HEATR1: variants seen among roughly 807,000 people sequenced by gnomAD.
HEATR1 encodes HEAT repeat-containing protein 1.
A neutral mutation model predicts 248.2 loss-of-function variants in HEATR1; 77 were observed. The observed-to-expected ratio is 0.31, with a 90% CI of 0.26 to 0.37. The LOEUF is 0.37. Among genes scored for constraint, HEATR1 ranks in the 10% least tolerant of loss-of-function variants. The pLI is 1.00. For synonymous variants in HEATR1, 897 were observed against 923.1 expected, an observed-to-expected ratio of 0.97 and a Z score of 0.51; for missense variants, 2,420 against 2,504.9, an observed-to-expected ratio of 0.97 and a Z score of 0.72.
At position 236,597,993 on chromosome 1, in the gene HEATR1, A is replaced by G; in HGVS notation, c.502-14T>C. ...CACTCCAGATTGCTGTTATTGATGG[A>G]AAGAACAAACTACTAGCAACATTCA... On this transcript the variant is annotated splice_polypyrimidine_tract_variant and intron_variant, in intron 4 of 44. Transcript: ENST00000366582. The G allele has an allele frequency of 1.9e-6, 3 of 1,566,612 alleles. No individual in the cohort carries two copies. Among genetic ancestry groups the G allele is most frequent in the Non-Finnish European group, 2.6e-6 (3 of 1,137,794 alleles).
chr1:236,550,076 A>C lies in HEATR1; in HGVS notation c.*826T>G, dbSNP rs1255206793. 3.3e-5 allele frequency: 5 copies of C among 152,184 alleles called. No homozygotes were observed. The highest frequency in any genetic ancestry group is 1.2e-4 in the African/African-American group (5 of 41,448). The allele number at this position is 152,184 out of a possible 1,614,324, so 9.4% of individuals were successfully genotyped here. On this transcript the variant is annotated 3_prime_UTR_variant, in exon 45 of 45. Coordinates refer to ENST00000366582, the MANE Select transcript of HEATR1 (RefSeq NM_018072.6). ...ATTTGAACCCTCACTTTCCAACTTC[A>C]CCATGACCCAGTACTAGAGATTAGG...
At chr1:236,571,729 T>G (rs774174338) in intron 26 of HEATR1, 43 bp from the exon 27 acceptor site, 6 of 1,416,738 alleles carry the variant, frequency 4.2e-6, no homozygotes, top group South Asian at 3.5e-5. Flanking sequence ...ATGTAAAAGT[T>G]GTACAATTCA....
In HEATR1 at chr1:236,553,672, A is replaced by C; in HGVS notation, c.6146T>G (p.Ile2049Ser). Residue 2049 changes from isoleucine to serine, a missense_variant, in exon 43 of 45, where the codon ATC becomes AGC. Ile to Ser is a moderately radical substitution (Grantham distance 142, BLOSUM62 -2). Coordinates refer to ENST00000366582, the MANE Select transcript of HEATR1 (RefSeq NM_018072.6). The stretch of plus-strand genomic sequence containing the variant: ...CGCCATGGCCACCGAAAACTGTGCG[A>C]TGCATGGTATCAGGTGCTTTGTCAC... ...ERVTKHLIPC[I>S]AQFSVAMADD... The C allele has an allele frequency of 6.2e-7, 1 of 1,614,002 alleles. No individual in the cohort carries two copies. The highest frequency in any genetic ancestry group is 8.5e-7 in the Non-Finnish European group (1 of 1,179,948).
intron 11 of HEATR1, 78 bp from the exon 12 acceptor site, chr1:236,591,032 A>T: frequency 1.5e-6 from 1 of 665,770 alleles, no homozygotes; most frequent in Non-Finnish European, 2.2e-6. Flanking sequence ...CCCAGAGAAA[A>T]CCACCCCAAA....
chr1:236,600,496 C>T (rs58044492), intron 3 of HEATR1, among the ~76,000 whole-genome samples: 2,659 of 151,746 alleles, frequency 0.018, 17 homozygotes, highest in Middle Eastern at 0.075. Context: ...CCTTTTACAT[C>T]GTGTACTTTT....
rs1664220169 is a variant in HEATR1, at chr1:236,597,968, C to A, written c.513G>T (p.Val171=). The change falls in exon 5 of 45, where the codon GTG becomes GTT. Residue 171 remains valine (V), a synonymous_variant. Coordinates refer to ENST00000366582, the MANE Select transcript of HEATR1 (RefSeq NM_018072.6). ...TAATCAAAGTTCCTTTAGCTAACGG[C>A]ACTCCAGATTGCTGTTATTGATGGA... is the stretch of plus-strand genomic sequence containing the variant. ...FWLLPVKQSG[V]PLAKGTLITH... 2 of 1,610,602 alleles carry A rather than the reference C, an allele frequency of 1.2e-6. No individual in the cohort carries two copies. Among genetic ancestry groups the A allele is most frequent in the Admixed American group, 1.7e-5 (1 of 59,820 alleles).
intron 20 of HEATR1, 30 bp downstream of exon 20, chr1:236,581,192 G>A (rs770867943): frequency 2.6e-5 from 41 of 1,558,642 alleles, no homozygotes; most frequent in Non-Finnish European, 3.6e-5. Flanking sequence ...AGTTGGTCAT[G>A]ACAAAACATA....
At chr1:236,602,924 A>G (rs1664363956) in intron 3 of HEATR1, 2 of 436,560 alleles carry the variant, frequency 4.6e-6, no homozygotes, top group African/African-American at 2.0e-5. Context: ...CTCTATCTCA[A>G]AAAAAAACTA....
intron 19 of HEATR1, 22 bp downstream of exon 19, chr1:236,582,714 C>T (rs763706414): frequency 6.2e-7 from 1 of 1,613,136 alleles, no homozygotes; most frequent in South Asian, 1.1e-5. Context: ...TAGAGTACGC[C>T]TGAAAAGGAG....
In HEATR1 at chr1:236,555,210, CT is replaced by C. The variant is rs918396435; in HGVS notation, c.5923+85del. The C allele has an allele frequency of 2.9e-6, 4 of 1,396,948 alleles. No homozygotes were observed. In the African/African-American group the frequency reaches 5.8e-5, roughly 20 times the overall value. 86.5% of individuals were successfully genotyped at this position (1,396,948 alleles called of 1,614,324 possible). A position where few individuals can be genotyped will look rare whatever the true frequency, so the allele number is the denominator to read the frequency against. On this transcript the variant is annotated intron_variant, in intron 41 of 44. Coordinates refer to ENST00000366582, the MANE Select transcript of HEATR1 (RefSeq NM_018072.6). Reference sequence around the variant, plus strand: ...GGACTTAAGAACCTCTAAAATCTTGCTTCCAAGCACTAGGTTGTGTCTTACT... The same window carrying C: ...GGACTTAAGAACCTCTAAAATCTTGCTCCAAGCACTAGGTTGTGTCTTACT...
intron 25 of HEATR1, 66 bp from the exon 26 acceptor site, chr1:236,572,620 G>A (rs964328711): frequency 2.5e-6 from 4 of 1,605,276 alleles, no homozygotes; most frequent in Non-Finnish European, 3.4e-6. Flanking sequence ...AAAAACCATT[G>A]TGCCTGATTA....
At chr1:236,557,545 T>C (rs1260902837) in intron 36 of HEATR1, among the ~76,000 whole-genome samples, 200 bp from the exon 37 acceptor site, 1 of 152,228 alleles carries the variant, frequency 6.6e-6, no homozygotes. Context: ...GACACAACAG[T>C]AATTTAAAAA....
Position 236,583,041 on chromosome 1 carries a change from T to C in HEATR1, c.2397A>G (p.Ala799=), listed in dbSNP as rs964076955. ...TAGGAAAAGATTTAGGAGCTTTCAGTGCATAAATAAATTTTTTCAAGGAAA... is the reference window on the plus strand; with the variant it reads ...TAGGAAAAGATTTAGGAGCTTTCAGCGCATAAATAAATTTTTTCAAGGAAA... ...LVFSLKKFIY[A]LKAPKSFPKG... Residue 799 remains alanine, a synonymous_variant, in exon 18 of 45, where the codon GCA becomes GCG. Coordinates refer to ENST00000366582, the MANE Select transcript of HEATR1 (RefSeq NM_018072.6). The C allele has an allele frequency of 6.2e-6, 10 of 1,613,988 alleles. No individual in the cohort carries two copies. Among genetic ancestry groups the C allele is most frequent in the East Asian group, 2.2e-5 (1 of 44,886 alleles).
At position 236,556,270 on chromosome 1, in the gene HEATR1, T is replaced by TA. The variant is rs756889289; in HGVS notation, c.5356-13dup. 1.6e-5 allele frequency: 26 copies of TA among 1,613,220 alleles called. No homozygotes were observed. Among genetic ancestry groups the TA allele is most frequent in the Non-Finnish European group, 2.2e-5 (26 of 1,179,660 alleles). Reference sequence around the variant, plus strand: ...TCCAGATGAATCACCTACAGGAATATAAAAAAAGTGATCAGGGCCACTGCA... The same window carrying TA: ...TCCAGATGAATCACCTACAGGAATATAAAAAAAAGTGATCAGGGCCACTGCA... On this transcript the variant is annotated splice_polypyrimidine_tract_variant and intron_variant, in intron 37 of 44. Coordinates refer to ENST00000366582, the MANE Select transcript of HEATR1 (RefSeq NM_018072.6).
At chr1:236,590,770 A>C in intron 12 of HEATR1, 77 bp downstream of exon 12, 2 of 598,372 alleles carry the variant, frequency 3.3e-6, no homozygotes, top group Non-Finnish European at 2.7e-6. Flanking sequence ...TTAGGTGGTA[A>C]CTTCAATTTC....
chr1:236,562,380 G>GT (rs1663152863), intron 32 of HEATR1, among the ~76,000 whole-genome samples: 1 of 152,144 alleles, frequency 6.6e-6, no homozygotes, highest in Non-Finnish European at 1.5e-5. Context: ...TTGAACTGTT[G>GT]TTTTTTACAA....
At chr1:236,575,904 G>A (rs1344395067) in intron 22 of HEATR1, among the ~76,000 whole-genome samples, 1 of 152,140 alleles carries the variant, frequency 6.6e-6, no homozygotes, top group East Asian at 1.9e-4. Context: ...GAAAAACAGA[G>A]ATGAACCAAC....
intron 28 of HEATR1, among the ~76,000 whole-genome samples, chr1:236,570,843 A>G (rs1412458081): frequency 6.6e-6 from 1 of 152,144 alleles, no homozygotes; most frequent in East Asian, 1.9e-4. Context: ...AGGAGCTCTG[A>G]CTCAAATCCT....
rs1248177856 is a variant in HEATR1, at chr1:236,552,135, A to C, written c.6238-28T>G. On this transcript the variant is annotated intron_variant, in intron 43 of 44. Transcript: ENST00000366582. ...GAAAGGGATAAAAGAGCAAAGAAAT[A>C]AAAAGTAGTGTTACTGTATTTATTA... The C allele has an allele frequency of 2.8e-6, 4 of 1,420,742 alleles. No individual in the cohort carries two copies. In the South Asian group the frequency reaches 4.6e-5, roughly 16 times the overall value. The allele number at this position is 1,420,742 out of a possible 1,614,324, so 88.0% of individuals were successfully genotyped here.
Sources: gnomAD v4.1 joint callset for allele counts (sites outside exome capture counted in the v4.1 genomes callset) on GRCh38, gnomAD v4.1.1 for gene constraint, MANE v1.5 for transcripts, NCBI Gene and HGNC (gene_info 2026-07-23, HGNC 2026-07-21) for gene names.